Variants in DLC1 observed in about 807,000 individuals in gnomAD.
DLC1 encodes the protein rho GTPase-activating protein 7.
Under a neutral mutation model 140.3 loss-of-function variants are expected in DLC1, and 54 were observed. The observed-to-expected ratio is 0.38, with a 90% CI of 0.31 to 0.48. DLC1 has a LOEUF of 0.48. Among genes scored for constraint, DLC1 ranks in the 20% least tolerant of loss-of-function variants. The pLI, the probability that DLC1 is intolerant of heterozygous loss-of-function variation, is 0.96. For missense variants in DLC1, 2,536 were observed against 1,907.0 expected (o/e 1.33, Z -6.14); for synonymous variants, 986 against 728.1 (o/e 1.35, Z -5.70).
intron 2 of DLC1, among the ~76,000 whole-genome samples, chr8:13,427,085 C>T (rs1212237000): frequency 5.3e-5 from 8 of 152,058 alleles, no homozygotes; most frequent in Non-Finnish European, 1.5e-5. Context: ...TTTGTTTTGT[C>T]ATTTTAGAAA....
chr8:13,219,651 A>ATATATC (rs1828445769), intron 5 of DLC1, among the ~76,000 whole-genome samples: 1 of 151,868 alleles, frequency 6.6e-6, no homozygotes, highest in African/African-American at 2.4e-5. Context: ...GGAGATATCT[A>ATATATC]TATATCTATA....
rs575816763 is a variant in DLC1 at position 13,410,351 on chromosome 8, C to T, written c.1024-8732G>A. On this transcript the variant is annotated intron_variant, in intron 2 of 17. Transcript: ENST00000276297. ...AGAATGCTTGTTATCACATATTCTACTCAACATTACACTTGAGGTTCTGCC... is the reference window on the plus strand; with the variant it reads ...AGAATGCTTGTTATCACATATTCTATTCAACATTACACTTGAGGTTCTGCC... 4.6e-5 allele frequency among the ~76,000 whole-genome samples: 7 copies of T among 152,142 alleles called. No homozygotes were observed. The South Asian group carries it at 1.5e-3, about 32-fold the overall frequency.
rs1479955105 is a variant in DLC1 at position 13,094,915 on chromosome 8, C to A, written c.3370G>T (p.Ala1124Ser). ...GCACCTTCATTCATCTGGCGCAGAG[C>A]CTGAATCCGGGACTTGACCCCCGAT... ...RKSGVKSRIQ[A>S]LRQMNEGAID... is the part of the protein sequence containing the mutation. The change falls in exon 12 of 18, where the codon GCT becomes TCT. Residue 1124 changes from alanine to serine, a missense_variant. Transcript: ENST00000276297. The A allele has an allele frequency of 6.2e-7, 1 of 1,614,186 alleles. No homozygotes were observed. Among genetic ancestry groups the A allele is most frequent in the Non-Finnish European group, 8.5e-7 (1 of 1,180,036 alleles).
In DLC1 at chr8:13,131,415, A is replaced by G. The variant is rs138568453; in HGVS notation, c.1349-15758T>C. Among the ~76,000 whole-genome samples the G allele has an allele frequency of 3.9e-3, 589 of 152,258 alleles. 2 individuals carry two copies. The highest frequency in any genetic ancestry group is 0.013 in the African/African-American group (543 of 41,554). On this transcript the variant is annotated intron_variant, in intron 5 of 17. Transcript: ENST00000276297. ...GAGCTGCAATGTTTTTTCCAAATAC[A>G]TCATCAATGCCACCAGCCTAGGCTG... is the stretch of plus-strand genomic sequence containing the variant.
At chr8:13,551,635 G>T (rs1803855244) in intron 1 of DLC1, among the ~76,000 whole-genome samples, 1 of 151,862 alleles carries the variant, frequency 6.6e-6, no homozygotes, top group South Asian at 2.1e-4. Context: ...TCAAAGAGAG[G>T]TTCAGTATGA....
At chr8:13,310,107 CA>C (rs1212148576) in intron 4 of DLC1, among the ~76,000 whole-genome samples, 2 of 152,160 alleles carry the variant, frequency 1.3e-5, no homozygotes, top group Admixed American at 6.5e-5. Context: ...AAACAACTGG[CA>C]GCTATGATAC....
intron 5 of DLC1, among the ~76,000 whole-genome samples, chr8:13,166,209 C>G (rs369531710): frequency 1.3e-5 from 2 of 152,278 alleles, no homozygotes; most frequent in African/African-American, 4.8e-5. Context: ...TTCCAAAGCC[C>G]AGCACATTTT....
At chr8:13,199,764 A>C (rs6981968) in intron 5 of DLC1, among the ~76,000 whole-genome samples, 100,238 of 151,940 alleles carry the variant, frequency 0.66, 33,629 homozygotes, top group East Asian at 0.86. Flanking sequence ...AGAGTCAATA[A>C]GTTTTAGAGC....
At chr8:13,530,126 G>A (rs1367109403) in intron 1 of DLC1, among the ~76,000 whole-genome samples, 2 of 152,130 alleles carry the variant, frequency 1.3e-5, no homozygotes, top group Non-Finnish European at 2.9e-5. Context: ...GAAACATGAT[G>A]TCACCTGAGG....
chr8:13,417,139 C>T (rs1362229583), intron 2 of DLC1, among the ~76,000 whole-genome samples: 2 of 152,044 alleles, frequency 1.3e-5, no homozygotes, highest in Non-Finnish European at 2.9e-5. Context: ...TAAAGCAACA[C>T]GATGGGATTT....
At chr8:13,165,677 G>A (rs1175206826) in intron 5 of DLC1, among the ~76,000 whole-genome samples, 1 of 152,218 alleles carries the variant, frequency 6.6e-6, no homozygotes, top group Non-Finnish European at 1.5e-5. Context: ...TATAGCCAGA[G>A]CAGTGGACGC....
intron 5 of DLC1, among the ~76,000 whole-genome samples, chr8:13,167,284 T>A (rs918805540): frequency 2.0e-5 from 3 of 152,208 alleles, no homozygotes; most frequent in Non-Finnish European, 4.4e-5. Flanking sequence ...TTTCCTATGT[T>A]CTTAAGTCTA....
intron 4 of DLC1, among the ~76,000 whole-genome samples, chr8:13,349,356 T>C (rs1311269654): frequency 6.6e-6 from 1 of 152,226 alleles, no homozygotes; most frequent in Middle Eastern, 3.4e-3. Context: ...TTCACCTATC[T>C]TAGAGCCCTC....
chr8:13,299,723 A>G (rs1469211688), intron 5 of DLC1, among the ~76,000 whole-genome samples: 2 of 152,162 alleles, frequency 1.3e-5, no homozygotes, highest in Non-Finnish European at 2.9e-5. Flanking sequence ...CGTTAGGCAC[A>G]TTGAGGGGAG....
chr8:13,407,377 C>G (rs573910630), intron 2 of DLC1, among the ~76,000 whole-genome samples: 16 of 152,316 alleles, frequency 1.1e-4, no homozygotes, highest in African/African-American at 3.8e-4. Context: ...CCCAACACCC[C>G]TCTTTCTACA....
chr8:13,355,366 T>C (rs1184590802), intron 4 of DLC1, among the ~76,000 whole-genome samples: 7 of 152,156 alleles, frequency 4.6e-5, no homozygotes, highest in African/African-American at 1.7e-4. Context: ...TGTGCGCCTG[T>C]AATCTCACAC....
chr8:13,137,597 G>T (rs1416775529), intron 5 of DLC1, among the ~76,000 whole-genome samples: 7 of 122,340 alleles, frequency 5.7e-5, no homozygotes, highest in South Asian at 5.6e-4. Flanking sequence ...ATCAGTTTTT[G>T]GTTTTGTTTT....
At chr8:13,354,389 C>G (rs960625203) in intron 4 of DLC1, among the ~76,000 whole-genome samples, 4 of 152,034 alleles carry the variant, frequency 2.6e-5, no homozygotes, top group African/African-American at 9.7e-5. Context: ...TCCTCCTCGC[C>G]TTAGTTATTT....
chr8:13,330,590 C>T (rs564690832), intron 4 of DLC1, among the ~76,000 whole-genome samples: 6 of 152,132 alleles, frequency 3.9e-5, no homozygotes, highest in Non-Finnish European at 7.3e-5. Flanking sequence ...AGCTACCTTC[C>T]TCTACGTCTT....
Sources: allele counts gnomAD v4.1 joint callset (sites outside exome capture counted in the v4.1 genomes callset), GRCh38; gene constraint gnomAD v4.1.1; transcripts MANE v1.5; gene names NCBI Gene and HGNC (gene_info 2026-07-23, HGNC 2026-07-21).